Variants in MAD1L1 observed in about 807,000 individuals in gnomAD.
The protein encoded by MAD1L1 is mitotic spindle assembly checkpoint protein MAD1.
A neutral mutation model predicts 96.9 loss-of-function variants in MAD1L1; 95 were observed. The ratio of observed to expected loss-of-function variants is 0.98; its 90% CI spans 0.83 to 1.16. MAD1L1 has a LOEUF of 1.16. Among genes scored for constraint, MAD1L1 ranks in the 50% most tolerant of loss-of-function variants. The probability of loss-of-function intolerance (pLI) is 0.00; values close to 1 mark genes in which losing one functional copy is unlikely to be tolerated. For missense variants in MAD1L1, 1,007 were observed against 954.4 expected (o/e 1.06, Z -0.73); for synonymous variants, 473 against 396.6 (o/e 1.19, Z -2.29).
rs1456876738 is a variant in MAD1L1, at chr7:1,816,344, T to G, written c.1999-116A>C. 3.0e-6 allele frequency: 3 copies of G among 1,013,748 alleles called. No homozygotes were observed. In the East Asian group the frequency reaches 7.3e-5, roughly 25 times the overall value. 62.8% of individuals were successfully genotyped at this position (1,013,748 alleles called of 1,614,324 possible). ...GGGGGCTTCCCTCAGTCTGAGGACC[T>G]GGACAGGGGTAGATGCGTCCTCAAC... On this transcript the variant is annotated intron_variant, in intron 18 of 18. Transcript: ENST00000265854.
At chr7:2,067,218 C>T (rs981137716) in intron 12 of MAD1L1, among the ~76,000 whole-genome samples, 2 of 132,170 alleles carry the variant, frequency 1.5e-5, no homozygotes, top group African/African-American at 7.4e-5. Flanking sequence ...GTCATCAGGC[C>T]ATGTTCGCAG....
chr7:2,060,347 CGA>C (rs1408726176), intron 12 of MAD1L1, among the ~76,000 whole-genome samples: 1 of 149,642 alleles, frequency 6.7e-6, no homozygotes, highest in East Asian at 2.0e-4. Context: ...GCCAAGATGT[CGA>C]GATATGCTGA....
chr7:1,985,393 G>C (rs1356416963), intron 14 of MAD1L1, among the ~76,000 whole-genome samples: 36 of 152,234 alleles, frequency 2.4e-4, no homozygotes, highest in Admixed American at 2.3e-3. Flanking sequence ...GGCTCTTCCA[G>C]GTCTGCTGTG....
intron 11 of MAD1L1, among the ~76,000 whole-genome samples, chr7:2,081,700 C>G (rs1312860829): frequency 6.6e-6 from 1 of 152,244 alleles, no homozygotes; most frequent in African/African-American, 2.4e-5. Flanking sequence ...CCCCCGTGGT[C>G]GGCGGAGCAC....
At position 2,095,532 on chromosome 7, in the gene MAD1L1, C is replaced by T. The variant is rs531779648; in HGVS notation, c.1074-26194G>A. Among the ~76,000 whole-genome samples the T allele has an allele frequency of 2.8e-4, 43 of 152,298 alleles. 1 individual carries two copies. The highest frequency in any genetic ancestry group is 2.7e-3 in the South Asian group (13 of 4,820). On this transcript the variant is annotated intron_variant, in intron 11 of 18. Coordinates refer to ENST00000265854, the MANE Select transcript of MAD1L1 (RefSeq NM_001013836.2). ...AGATGGGCAGTGCTGAAGCCGCGGT[C>T]GCTGTTAAAGAGAAGGGCAGCGTAA... is the stretch of plus-strand genomic sequence containing the variant.
At chr7:1,887,240 G>T (rs996851349) in intron 18 of MAD1L1, among the ~76,000 whole-genome samples, 2 of 139,794 alleles carry the variant, frequency 1.4e-5, no homozygotes, top group African/African-American at 5.9e-5. Context: ...TGTGTATGTG[G>T]GGGTGGCTGT....
chr7:2,220,555 C>T (rs1019087096), intron 5 of MAD1L1, among the ~76,000 whole-genome samples: 1 of 152,208 alleles, frequency 6.6e-6, no homozygotes, highest in African/African-American at 2.4e-5. Context: ...CAGGACAGGA[C>T]AATGGCAAAC....
intron 18 of MAD1L1, among the ~76,000 whole-genome samples, chr7:1,836,455 GA>G (rs1562440098): frequency 6.6e-6 from 1 of 152,106 alleles, no homozygotes; most frequent in East Asian, 1.9e-4. Context: ...TTGTGACTAC[GA>G]ACGCCTAACC....
chr7:1,994,909 G>T (rs1010857193), intron 14 of MAD1L1, among the ~76,000 whole-genome samples: 1 of 152,152 alleles, frequency 6.6e-6, no homozygotes, highest in African/African-American at 2.4e-5. Flanking sequence ...CGAACTCCTG[G>T]GCTCAAGATT....
intron 18 of MAD1L1, among the ~76,000 whole-genome samples, chr7:1,839,433 C>T (rs547986022): frequency 3.2e-4 from 48 of 151,928 alleles, no homozygotes; most frequent in Non-Finnish European, 6.2e-4. Context: ...GCTTGGCTCT[C>T]AGGCCAGCTG....
intron 12 of MAD1L1, among the ~76,000 whole-genome samples, chr7:2,024,915 G>A (rs1352290795): frequency 6.6e-6 from 1 of 152,178 alleles, no homozygotes; most frequent in Non-Finnish European, 1.5e-5. Flanking sequence ...ATCTCTTCCA[G>A]AGAATAGAAG....
At chr7:2,213,769 C>G (rs964075456) in intron 9 of MAD1L1, among the ~76,000 whole-genome samples, 2 of 152,188 alleles carry the variant, frequency 1.3e-5, no homozygotes, top group African/African-American at 4.8e-5. Flanking sequence ...GGGCAGCCAC[C>G]CTGGAGCATG....
intron 18 of MAD1L1, among the ~76,000 whole-genome samples, chr7:1,842,045 T>C (rs999790388): frequency 1.3e-5 from 2 of 152,236 alleles, no homozygotes; most frequent in Non-Finnish European, 2.9e-5. Flanking sequence ...CAAATTGCCT[T>C]GTTTTTCGTC....
intron 10 of MAD1L1, among the ~76,000 whole-genome samples, chr7:2,155,047 T>C (rs1025336407): frequency 7.2e-5 from 11 of 152,284 alleles, no homozygotes; most frequent in Non-Finnish European, 1.3e-4. Context: ...TCAGAGAGGC[T>C]TGCACGGAGA....
intron 12 of MAD1L1, among the ~76,000 whole-genome samples, chr7:2,054,895 T>G (rs900495165): frequency 6.6e-6 from 1 of 152,194 alleles, no homozygotes; most frequent in Admixed American, 6.5e-5. Context: ...ACACATGCGG[T>G]ACTCAGGGCT....
chr7:2,231,075 G>A (rs1023301144), intron 1 of MAD1L1, among the ~76,000 whole-genome samples: 5 of 152,194 alleles, frequency 3.3e-5, no homozygotes, highest in African/African-American at 1.2e-4. Context: ...CACTTCGGGA[G>A]GCGGAGGCAG....
At chr7:2,066,336 G>A (rs1222701058) in intron 12 of MAD1L1, among the ~76,000 whole-genome samples, 1 of 152,248 alleles carries the variant, frequency 6.6e-6, no homozygotes, top group Non-Finnish European at 1.5e-5. Flanking sequence ...ACCCAGAGCA[G>A]CAGGCACGCC....
chr7:1,847,442 T>C (rs997315948), intron 18 of MAD1L1: 7 of 470,806 alleles, frequency 1.5e-5, no homozygotes, highest in Non-Finnish European at 2.6e-5. Flanking sequence ...TGGAGACCTC[T>C]ACCCTTTAGC....
chr7:1,941,322 G>A (rs1038768722), intron 16 of MAD1L1, among the ~76,000 whole-genome samples: 8 of 152,024 alleles, frequency 5.3e-5, no homozygotes, highest in East Asian at 1.9e-4. Flanking sequence ...CCCCACGACC[G>A]GCCCATCATC....
Sources: gnomAD v4.1 joint callset for allele counts (sites outside exome capture counted in the v4.1 genomes callset) on GRCh38, gnomAD v4.1.1 for gene constraint, MANE v1.5 for transcripts, NCBI Gene and HGNC (gene_info 2026-07-23, HGNC 2026-07-21) for gene names.